The following RELB variants were observed in gnomAD, a reference collection of about 807,000 sequenced individuals.
RELB encodes the protein transcription factor RelB.
RELB carries 14 observed loss-of-function variants against 55.4 expected under a neutral mutation model. The observed-to-expected ratio is 0.25, with a 90% CI of 0.17 to 0.40. The LOEUF is 0.40. Ranked by LOEUF, RELB falls within the 10% of genes least tolerant of loss-of-function variation. The pLI, the probability that RELB is intolerant of heterozygous loss-of-function variation, is 1.00. For synonymous variants in RELB, 409 were observed against 371.3 expected (o/e 1.10, Z -1.17); for missense variants, 669 against 830.7 (o/e 0.81, Z 2.39).
intron 4 of RELB, among the ~76,000 whole-genome samples, chr19:45,018,946 C>A (rs781161303): frequency 1.3e-5 from 2 of 152,092 alleles, no homozygotes; most frequent in Non-Finnish European, 2.9e-5. Flanking sequence ...CGTGAGCCAC[C>A]GCGCTCGGCT....
chr19:45,010,034 T>A (rs954616775), intron 3 of RELB, among the ~76,000 whole-genome samples: 7 of 152,180 alleles, frequency 4.6e-5, no homozygotes, highest in Non-Finnish European at 7.4e-5. Flanking sequence ...GCTGTGTGAC[T>A]CACACCTGTA....
rs758953808 is a variant in RELB at position 45,037,470 on chromosome 19, C to G, written c.1420C>G (p.Pro474Ala). 3 of 1,610,262 alleles carry G rather than the reference C, an allele frequency of 1.9e-6. No individual in the cohort carries two copies. The highest frequency in any genetic ancestry group is 2.2e-5 in the South Asian group (2 of 90,964). The stretch of plus-strand genomic sequence containing the variant: ...CTTCTTCTCTGGCACCGTGTCCCTG[C>G]CCGGCCTGGAGCCCCCTGGCGGGCC... ...PDFFSGTVSL[P>A]GLEPPGGPDL... The change falls in exon 12 of 12, where the codon CCC (proline) becomes GCC (alanine). Residue 474 changes from proline to alanine, a missense_variant. Coordinates refer to ENST00000221452, the MANE Select transcript of RELB (RefSeq NM_006509.4).
chr19:45,016,402 G>A (rs917937197), intron 4 of RELB, among the ~76,000 whole-genome samples: 1 of 152,152 alleles, frequency 6.6e-6, no homozygotes, highest in Non-Finnish European at 1.5e-5. Flanking sequence ...TATGAGGAAG[G>A]TGGCAGTTGT....
chr19:45,003,125 C>T (rs964094373), intron 2 of RELB, 129 bp downstream of exon 2: 8 of 872,774 alleles, frequency 9.2e-6, no homozygotes, highest in Non-Finnish European at 1.4e-5. Context: ...GTGCATCCCT[C>T]CCTGCCAGTT....
At chr19:45,002,916 A>C (rs1600058900) in intron 1 of RELB, 33 bp from the exon 2 acceptor site, 1 of 1,605,644 alleles carries the variant, frequency 6.2e-7, no homozygotes, top group Non-Finnish European at 8.5e-7. Flanking sequence ...GCTGCCCCCC[A>C]TCACCTCCTG....
At chr19:45,031,052 G>T (rs1391008685) in intron 8 of RELB, among the ~76,000 whole-genome samples, 1 of 152,092 alleles carries the variant, frequency 6.6e-6, no homozygotes, top group African/African-American at 2.4e-5. Context: ...ATATGTAACT[G>T]ACACATATAA....
chr19:45,022,474 T>C (rs146954563), intron 5 of RELB, among the ~76,000 whole-genome samples: 3 of 151,898 alleles, frequency 2.0e-5, no homozygotes, highest in Non-Finnish European at 4.4e-5. Context: ...AGATAATTGA[T>C]GACAGAGCTG....
chr19:45,013,096 A>T (rs1360052647), intron 4 of RELB, among the ~76,000 whole-genome samples: 1 of 151,700 alleles, frequency 6.6e-6, no homozygotes, highest in Non-Finnish European at 1.5e-5. Context: ...TAAAAAAAGC[A>T]AAGGTGATTA....
At chr19:45,032,011 G>GCAGAT (rs1600082201) in intron 8 of RELB, among the ~76,000 whole-genome samples, 1 of 151,468 alleles carries the variant, frequency 6.6e-6, no homozygotes, top group Non-Finnish European at 1.5e-5. Flanking sequence ...GCCAAGGCGG[G>GCAGAT]CAGATCACGA....
chr19:45,019,097 C>G (rs1971454171), intron 4 of RELB, among the ~76,000 whole-genome samples: 1 of 152,058 alleles, frequency 6.6e-6, no homozygotes, highest in Admixed American at 6.6e-5. Flanking sequence ...GGGTCTTGCT[C>G]TATTGCCCAG....
At position 45,025,351 on chromosome 19, in the gene RELB, T is replaced by A; in HGVS notation, c.685T>A (p.Cys229Ser). ...RHSFNNLGIQ[C>S]VRKKEIEAAI... ...CAGTTTTAACAACCTGGGCATCCAG[T>A]GTGTGAGGAAGAAGGAGATTGAGGC... Residue 229 changes from cysteine (C) to serine (S), a missense_variant, in exon 6 of 12, where the codon TGT becomes AGT. Cys to Ser is a moderately radical substitution (Grantham distance 112). Around this residue, in one of 3 missense-constraint regions of RELB, gnomAD observed 323 missense variants for 368.5 expected, o/e 0.88. Coordinates refer to ENST00000221452, the MANE Select transcript of RELB (RefSeq NM_006509.4). 1 of 1,612,248 alleles carries A rather than the reference T, an allele frequency of 6.2e-7. No individual in the cohort carries two copies. The highest frequency in any genetic ancestry group is 1.7e-5 in the Admixed American group (1 of 59,654).
intron 8 of RELB, among the ~76,000 whole-genome samples, chr19:45,031,614 C>G (rs925683754): frequency 1.3e-5 from 2 of 151,968 alleles, no homozygotes; most frequent in Admixed American, 6.6e-5. Flanking sequence ...CTTGCTCTGT[C>G]CCCCAGGCTG....
intron 4 of RELB, among the ~76,000 whole-genome samples, chr19:45,012,607 G>A (rs1971375793): frequency 6.6e-6 from 1 of 151,854 alleles, no homozygotes; most frequent in Non-Finnish European, 1.5e-5. Flanking sequence ...AGCCGAGTGT[G>A]GTGGCACAAT....
intron 4 of RELB, among the ~76,000 whole-genome samples, chr19:45,019,522 G>C (rs534025491): frequency 6.6e-6 from 1 of 152,208 alleles, no homozygotes; most frequent in South Asian, 2.1e-4. Context: ...ATCAAATCAT[G>C]TAATATACAG....
At position 45,028,921 on chromosome 19, in the gene RELB, G is replaced by A. The variant is rs1327345678; in HGVS notation, c.920G>A (p.Arg307Gln). 1.9e-6 allele frequency: 3 copies of A among 1,600,544 alleles called. No individual in the cohort carries two copies. The highest frequency in any genetic ancestry group is 2.6e-6 in the Non-Finnish European group (3 of 1,174,110). Residue 307 changes from arginine to glutamine, a missense_variant, in exon 8 of 12, where the codon CGA (arginine) becomes CAA (glutamine). Arg to Gln is a conservative substitution (Grantham distance 43). This residue lies in a region of RELB where 341 missense variants were observed against 436.8 expected (regional missense o/e 0.78). Transcript: ENST00000221452. ...STNTSELRIC[R>Q]INKESGPCTG... ...AACACATCAGAGCTGCGGATTTGCC[G>A]AATTAACAAGGAAAGCGGGCCGTGC...
chr19:45,004,524 A>G (rs1971259294), intron 2 of RELB, among the ~76,000 whole-genome samples: 1 of 149,696 alleles, frequency 6.7e-6, no homozygotes, highest in Non-Finnish European at 1.5e-5. Context: ...GTGCCTGGCC[A>G]GACAGTGGTT....
intron 5 of RELB, among the ~76,000 whole-genome samples, chr19:45,024,264 C>A (rs1971529839): frequency 6.6e-6 from 1 of 152,036 alleles, no homozygotes; most frequent in African/African-American, 2.4e-5. Flanking sequence ...CAGGCTCACG[C>A]CATTCTCCTG....
Position 45,001,492 on chromosome 19 carries a change from G to C in RELB, c.-88G>C, listed in dbSNP as rs1478086136. 1.1e-5 allele frequency: 6 copies of C among 535,340 alleles called. No individual in the cohort carries two copies. The highest frequency in any genetic ancestry group is 1.1e-4 in the East Asian group (2 of 18,526). 33.2% of individuals were successfully genotyped at this position (535,340 alleles called of 1,614,324 possible). A position where few individuals can be genotyped will look rare whatever the true frequency, so the allele number is the denominator to read the frequency against. ...GCCCCGGGCGCCGCGCGTCCTGCCC[G>C]GCCTGCGGCCCCAGCCCTTGCGCCG... On this transcript the variant is annotated 5_prime_UTR_variant, in exon 1 of 12. Coordinates refer to ENST00000221452, the MANE Select transcript of RELB (RefSeq NM_006509.4).
At chr19:45,002,869 G>C in intron 1 of RELB, 80 bp from the exon 2 acceptor site, 9 of 1,217,794 alleles carry the variant, frequency 7.4e-6, no homozygotes. Flanking sequence ...AGAAGAGGAA[G>C]GGGTGGGGCT....
Sources: allele counts gnomAD v4.1 joint callset (sites outside exome capture counted in the v4.1 genomes callset), GRCh38; gene constraint gnomAD v4.1.1; regional missense constraint gnomAD v4.1.1; transcripts MANE v1.5; gene names NCBI Gene and HGNC (gene_info 2026-07-23, HGNC 2026-07-21).